The following FER1L6 variants were observed in gnomAD, a reference collection of about 807,000 sequenced individuals.
FER1L6 encodes the protein fer-1-like protein 6.
FER1L6 carries 177 observed loss-of-function variants against 219.2 expected under a neutral mutation model. The observed-to-expected ratio is 0.81, with a 90% CI of 0.71 to 0.91. The LOEUF (loss-of-function observed/expected upper bound fraction) is 0.91. FER1L6 is among the 40% of genes least tolerant of loss of function. The pLI is 0.00. For synonymous variants in FER1L6, 768 were observed against 824.3 expected (o/e 0.93, Z 1.17); for missense variants, 2,153 against 2,259.9 (o/e 0.95, Z 0.96).
intron 1 of FER1L6, among the ~76,000 whole-genome samples, chr8:123,871,005 C>G (rs952906156): frequency 5.3e-5 from 8 of 152,044 alleles, no homozygotes; most frequent in African/African-American, 1.7e-4. Context: ...TATAAAACCA[C>G]TATATATGTA....
chr8:124,034,149 TA>T (rs34981228), intron 18 of FER1L6, among the ~76,000 whole-genome samples: 338 of 139,292 alleles, frequency 2.4e-3, no homozygotes, highest in Middle Eastern at 3.6e-3. Context: ...GAAGTGATGT[TA>T]AAAAAAAAAA....
At chr8:123,960,377 C>T (rs1815217051) in intron 2 of FER1L6, among the ~76,000 whole-genome samples, 1 of 152,158 alleles carries the variant, frequency 6.6e-6, no homozygotes, top group African/African-American at 2.4e-5. Context: ...CAACATTCAG[C>T]AACATTCCAG....
At chr8:124,067,853 T>C in intron 28 of FER1L6, 47 bp downstream of exon 28, 1 of 1,529,612 alleles carries the variant, frequency 6.5e-7, no homozygotes, top group South Asian at 1.1e-5. Flanking sequence ...AGGGCCATCG[T>C]TACGAGAAAA....
At chr8:124,039,456 A>G (rs1819366892) in intron 19 of FER1L6, among the ~76,000 whole-genome samples, 1 of 152,124 alleles carries the variant, frequency 6.6e-6, no homozygotes. Flanking sequence ...TAAACAGGAG[A>G]ATTACTGGGG....
chr8:123,951,047 T>C (rs1814738091), intron 1 of FER1L6, among the ~76,000 whole-genome samples: 1 of 152,250 alleles, frequency 6.6e-6, no homozygotes, highest in African/African-American at 2.4e-5. Flanking sequence ...TACTAAAGGC[T>C]CTGAATTTAA....
chr8:123,996,444 T>C (rs997155090), intron 12 of FER1L6, among the ~76,000 whole-genome samples: 2 of 152,204 alleles, frequency 1.3e-5, no homozygotes, highest in African/African-American at 4.8e-5. Flanking sequence ...GATATAATTA[T>C]ATCTACTCCT....
At chr8:123,928,873 T>C (rs1482375609) in intron 1 of FER1L6, among the ~76,000 whole-genome samples, 1 of 152,200 alleles carries the variant, frequency 6.6e-6, no homozygotes, top group Non-Finnish European at 1.5e-5. Context: ...TTACTTAAAC[T>C]GATATGCTGT....
intron 11 of FER1L6, chr8:123,984,350 A>G (rs2130360967): frequency 6.6e-6 from 1 of 152,282 alleles, no homozygotes; most frequent in South Asian, 2.1e-4. Context: ...CTGGATCCTG[A>G]AATTCTTCTC....
chr8:123,930,565 G>T (rs1813729000), intron 1 of FER1L6, among the ~76,000 whole-genome samples: 8 of 152,154 alleles, frequency 5.3e-5, no homozygotes, highest in Admixed American at 5.2e-4. Context: ...TGACTTGGAT[G>T]GGTGAGCACA....
At chr8:123,856,650 C>T (rs891799715) in intron 1 of FER1L6, among the ~76,000 whole-genome samples, 3 of 151,656 alleles carry the variant, frequency 2.0e-5, no homozygotes, top group Admixed American at 6.6e-5. Context: ...ATCATGTCCC[C>T]GACTGCCTGG....
intron 1 of FER1L6, among the ~76,000 whole-genome samples, chr8:123,949,340 T>C (rs1230267543): frequency 1.3e-5 from 2 of 152,018 alleles, no homozygotes; most frequent in Non-Finnish European, 2.9e-5. Flanking sequence ...CTATTTCCAA[T>C]GTCCACAGCA....
At chr8:123,963,900 G>A (rs1235157853) in intron 3 of FER1L6, among the ~76,000 whole-genome samples, 2 of 152,226 alleles carry the variant, frequency 1.3e-5, no homozygotes, top group Non-Finnish European at 2.9e-5. Flanking sequence ...TATTGCTAAT[G>A]AATTAGTTGG....
chr8:124,060,091 T>C (rs1820488677), intron 22 of FER1L6, 89 bp from the exon 23 acceptor site: 2 of 914,844 alleles, frequency 2.2e-6, no homozygotes, highest in Non-Finnish European at 3.6e-6. Context: ...GGCAAAACAG[T>C]GAACATCTTA....
intron 27 of FER1L6, among the ~76,000 whole-genome samples, chr8:124,067,082 C>G (rs532168501): frequency 6.6e-6 from 1 of 152,038 alleles, no homozygotes; most frequent in Non-Finnish European, 1.5e-5. Context: ...GCTGGAGAGA[C>G]AGTGGGGAGT....
At chr8:123,914,892 C>T (rs1813139306) in intron 1 of FER1L6, among the ~76,000 whole-genome samples, 1 of 152,092 alleles carries the variant, frequency 6.6e-6, no homozygotes, top group African/African-American at 2.4e-5. Context: ...GTAAATACAT[C>T]TTCACTCTAG....
At position 123,869,455 on chromosome 8, in the gene FER1L6, T is replaced by C. The variant is rs151072985; in HGVS notation, c.-8+17270T>C. Among the ~76,000 whole-genome samples, 1,163 of 152,288 alleles carry C rather than the reference T, an allele frequency of 7.6e-3. 45 individuals are homozygous for C. Among genetic ancestry groups the C allele is most frequent in the Admixed American group, 0.067 (1,028 of 15,280 alleles). On this transcript the variant is annotated intron_variant, in intron 1 of 40. Coordinates refer to ENST00000522917, the MANE Select transcript of FER1L6 (RefSeq NM_001039112.2). ...GAAGCTGAGCTCATAATTTCTACTT[T>C]TTTGCTGTCAAATCCATTTCATCCT...
Position 124,007,301 on chromosome 8 carries a change from T to TC in FER1L6, c.1701-3285dup, listed in dbSNP as rs111395715. ...CTTTCTCTCTCTCCCTCTCTCCCTC[T>TC]CCCCCCCCTACCTTCTAGAGGCTTC... On this transcript the variant is annotated intron_variant, in intron 13 of 40. Coordinates refer to ENST00000522917, the MANE Select transcript of FER1L6 (RefSeq NM_001039112.2). Among the ~76,000 whole-genome samples, 111 of 150,640 alleles carry TC rather than the reference T, an allele frequency of 7.4e-4. No individual in the cohort carries two copies. In the Middle Eastern group the frequency reaches 0.01, roughly 14 times the overall value.
At chr8:123,989,403 A>T (rs930947726) in intron 12 of FER1L6, among the ~76,000 whole-genome samples, 6 of 152,138 alleles carry the variant, frequency 3.9e-5, no homozygotes, top group Non-Finnish European at 5.9e-5. Context: ...AAATATTTTT[A>T]AAATATCAGT....
At chr8:123,968,020 C>T (rs1037939263) in intron 5 of FER1L6, among the ~76,000 whole-genome samples, 3 of 151,924 alleles carry the variant, frequency 2.0e-5, no homozygotes, top group African/African-American at 7.3e-5. Flanking sequence ...GTAGGGAGAG[C>T]ATGGATAATG....
Sources: gnomAD v4.1 joint callset for allele counts (sites outside exome capture counted in the v4.1 genomes callset) on GRCh38, gnomAD v4.1.1 for gene constraint, MANE v1.5 for transcripts, NCBI Gene and HGNC (gene_info 2026-07-23, HGNC 2026-07-21) for gene names.